Variants in RNF130 observed in about 807,000 individuals in gnomAD.
The protein encoded by RNF130 is E3 ubiquitin-protein ligase RNF130.
RNF130 carries 21 observed loss-of-function variants against 44.6 expected under a neutral mutation model. The ratio of observed to expected loss-of-function variants is 0.47; its 90% CI spans 0.33 to 0.68. The LOEUF (loss-of-function observed/expected upper bound fraction) is 0.68. Among genes scored for constraint, RNF130 ranks in the 30% least tolerant of loss-of-function variants. The pLI is 0.02. For synonymous variants in RNF130, 214 were observed against 210.4 expected (o/e 1.02, Z -0.15); for missense variants, 479 against 560.6 (o/e 0.85, Z 1.47).
chr5:180,061,939 A>G (rs972810681), intron 1 of RNF130, among the ~76,000 whole-genome samples: 1 of 152,156 alleles, frequency 6.6e-6, no homozygotes, highest in African/African-American at 2.4e-5. Context: ...GGGAAGTCCA[A>G]GTTCAAGGCA....
chr5:179,975,770 G>A (rs550578588), intron 5 of RNF130, among the ~76,000 whole-genome samples: 1 of 152,244 alleles, frequency 6.6e-6, no homozygotes, highest in East Asian at 1.9e-4. Context: ...AGGGTGCAGC[G>A]AAATTCCGTG....
intron 3 of RNF130, among the ~76,000 whole-genome samples, chr5:180,000,490 T>C (rs969262859): frequency 4.6e-5 from 7 of 152,344 alleles, no homozygotes; most frequent in African/African-American, 7.2e-5. Flanking sequence ...TTTTAATGCC[T>C]TTCCCCTTCT....
chr5:179,962,642 T>G (rs1762359224), intron 8 of RNF130, among the ~76,000 whole-genome samples: 1 of 151,820 alleles, frequency 6.6e-6, no homozygotes, highest in Admixed American at 6.6e-5. Context: ...AAAGCAAAAA[T>G]AAAAAAACCC....
At chr5:180,002,451 A>C (rs1763365193) in intron 3 of RNF130, among the ~76,000 whole-genome samples, 1 of 152,184 alleles carries the variant, frequency 6.6e-6, no homozygotes, top group African/African-American at 2.4e-5. Context: ...CTTCAGTCAC[A>C]GCTCCAATTC....
At chr5:179,944,159 G>A (rs545894392) in intron 7 of RNF130, among the ~76,000 whole-genome samples, 22 of 130,854 alleles carry the variant, frequency 1.7e-4, no homozygotes, top group Admixed American at 1.2e-3. Flanking sequence ...AGTAGAGACG[G>A]GGGGGTTCAC....
At chr5:180,022,281 C>A (rs1034861572) in intron 2 of RNF130, among the ~76,000 whole-genome samples, 1 of 152,152 alleles carries the variant, frequency 6.6e-6, no homozygotes, top group Non-Finnish European at 1.5e-5. Context: ...AATATTCCAT[C>A]CTCATGAAAC....
chr5:179,991,313 T>C (rs140140449), intron 3 of RNF130, among the ~76,000 whole-genome samples: 38 of 152,368 alleles, frequency 2.5e-4, no homozygotes, highest in African/African-American at 8.4e-4. Context: ...GATGACTATA[T>C]GTCATGGTGA....
At chr5:179,923,337 A>G (rs569943712) in intron 7 of RNF130, among the ~76,000 whole-genome samples, 24 of 152,332 alleles carry the variant, frequency 1.6e-4, no homozygotes, top group African/African-American at 5.5e-4. Flanking sequence ...CTTTATGGAA[A>G]ATCTATTGAT....
chr5:180,025,657 C>T (rs758699097), intron 2 of RNF130, among the ~76,000 whole-genome samples: 1 of 151,760 alleles, frequency 6.6e-6, no homozygotes, highest in Non-Finnish European at 1.5e-5. Context: ...ATGTATGAAC[C>T]AGATGGAAGA....
intron 2 of RNF130, chr5:180,015,351 G>A (rs776799866): frequency 3.7e-6 from 2 of 533,600 alleles, no homozygotes; most frequent in Admixed American, 1.9e-5. Flanking sequence ...TCCCACAAAC[G>A]ACATATGACA....
In RNF130 at chr5:180,050,672, T is replaced by A. The variant is rs563878340; in HGVS notation, c.248-10025A>T. On this transcript the variant is annotated intron_variant, in intron 1 of 8. Transcript: ENST00000521389. Reference sequence around the variant, plus strand: ...CCTTCAGAAGTTCTTTCAATGAGGATCTGTTAGGTAAACTTGTATTTTACA... The same window carrying A: ...CCTTCAGAAGTTCTTTCAATGAGGAACTGTTAGGTAAACTTGTATTTTACA... 3.9e-4 allele frequency among the ~76,000 whole-genome samples: 60 copies of A among 152,354 alleles called. No homozygotes were observed. The South Asian group carries it at 0.012, about 31-fold the overall frequency.
At chr5:179,936,430 T>C (rs1032951113) in intron 7 of RNF130, among the ~76,000 whole-genome samples, 4 of 152,190 alleles carry the variant, frequency 2.6e-5, no homozygotes, top group Non-Finnish European at 5.9e-5. Context: ...GTTCTCATCA[T>C]GTTGCCCAGG....
At chr5:180,064,602 C>T (rs1478095181) in intron 1 of RNF130, among the ~76,000 whole-genome samples, 1 of 152,176 alleles carries the variant, frequency 6.6e-6, no homozygotes, top group African/African-American at 2.4e-5. Flanking sequence ...CCCTTCTTCC[C>T]AATTTTATTG....
intron 2 of RNF130, among the ~76,000 whole-genome samples, chr5:180,016,517 C>T (rs1015602132): frequency 6.6e-6 from 1 of 152,206 alleles, no homozygotes; most frequent in Non-Finnish European, 1.5e-5. Context: ...GTCACGGATG[C>T]GGCCACGCTC....
intron 1 of RNF130, among the ~76,000 whole-genome samples, chr5:180,067,514 A>G (rs990113776): frequency 1.3e-5 from 2 of 152,190 alleles, no homozygotes; most frequent in East Asian, 3.8e-4. Context: ...GATTTGGTGG[A>G]GAGATCAAGT....
chr5:179,961,401 T>C (rs1011530371), intron 8 of RNF130, among the ~76,000 whole-genome samples: 1 of 152,192 alleles, frequency 6.6e-6, no homozygotes, highest in Non-Finnish European at 1.5e-5. Flanking sequence ...AAGTAAGGCA[T>C]GGATCTAAGA....
chr5:179,947,184 A>G lies in RNF130; in HGVS notation c.1150+19622T>C, dbSNP rs183461600. On this transcript the variant is annotated intron_variant, in intron 7 of 7. Coordinates refer to the RNF130 transcript ENST00000522208. The stretch of plus-strand genomic sequence containing the variant: ...GTTTGGTGAGGCAGTTTCTACATTA[A>G]AACAGTTTAAACTAGCAATTCTATC... Among the ~76,000 whole-genome samples, 65 of 152,238 alleles carry G rather than the reference A, an allele frequency of 4.3e-4. 1 individual carries two copies. The highest frequency in any genetic ancestry group is 1.9e-4 in the Non-Finnish European group (13 of 68,012).
intron 1 of RNF130, among the ~76,000 whole-genome samples, chr5:180,057,665 C>T (rs969022364): frequency 6.6e-5 from 10 of 152,144 alleles, no homozygotes; most frequent in Admixed American, 3.9e-4. Context: ...CCCGCAATAC[C>T]GCGACAGAAG....
Position 180,040,628 on chromosome 5 carries a change from A to C in RNF130, c.267T>G (p.Cys89Trp). 6.2e-7 allele frequency: 1 copy of C among 1,613,480 alleles called. No homozygotes were observed. The highest frequency in any genetic ancestry group is 1.1e-5 in the South Asian group (1 of 90,932). ...GGACAAAGAACCGGGTTTGTGGATC[A>C]CAGCCCAGATGATCAGCAACTGAAA... is the stretch of plus-strand genomic sequence containing the variant. Reference protein sequence around the residue: ...PLHGVADHLGCDPQTRFFVPP... With the variant: ...PLHGVADHLGWDPQTRFFVPP... The change falls in exon 2 of 9, where the codon TGT becomes TGG. Residue 89 changes from cysteine to tryptophan, a missense_variant. Transcript: ENST00000521389.
Sources: gnomAD v4.1 joint callset for allele counts (sites outside exome capture counted in the v4.1 genomes callset) on GRCh38, gnomAD v4.1.1 for gene constraint, MANE v1.5 for transcripts, NCBI Gene and HGNC (gene_info 2026-07-23, HGNC 2026-07-21) for gene names.